Variants in TRDN observed in about 807,000 individuals in gnomAD.
The protein encoded by TRDN is triadin.
A neutral mutation model predicts 149.7 loss-of-function variants in TRDN; 161 were observed. That is an observed-to-expected ratio of 1.08 (90% CI 0.95 to 1.23). The LOEUF is 1.23. Among genes scored for constraint, TRDN ranks in the 50% most tolerant of loss-of-function variants. The pLI is 0.00. For missense variants in TRDN, 896 were observed against 823.5 expected (o/e 1.09, Z -1.08); for synonymous variants, 294 against 250.5 (o/e 1.17, Z -1.64).
At chr6:123,553,791 C>T (rs1379283110) in intron 2 of TRDN, among the ~76,000 whole-genome samples, 5 of 152,208 alleles carry the variant, frequency 3.3e-5, no homozygotes, top group African/African-American at 7.2e-5. Flanking sequence ...GAACAGTATG[C>T]GAGAAACTGT....
chr6:123,280,891 A>G (rs371773337), intron 24 of TRDN, among the ~76,000 whole-genome samples: 1 of 152,038 alleles, frequency 6.6e-6, no homozygotes. Flanking sequence ...CATTGAATGC[A>G]GGGAATTGGT....
intron 10 of TRDN, among the ~76,000 whole-genome samples, chr6:123,443,619 C>T (rs1047809590): frequency 1.3e-5 from 2 of 152,054 alleles, no homozygotes; most frequent in Admixed American, 6.5e-5. Flanking sequence ...GGGGAAATCC[C>T]GTCACGACTA....
intron 2 of TRDN, among the ~76,000 whole-genome samples, chr6:123,564,452 GA>G (rs1782176013): frequency 6.6e-6 from 1 of 152,156 alleles, no homozygotes. Context: ...TGTACTTTCT[GA>G]CTGACTTTGG....
chr6:123,596,801 C>A (rs569527638), intron 1 of TRDN, among the ~76,000 whole-genome samples: 1 of 151,954 alleles, frequency 6.6e-6, no homozygotes, highest in Non-Finnish European at 1.5e-5. Context: ...ATTTCGAGCC[C>A]AATGTTGAGA....
intron 24 of TRDN, among the ~76,000 whole-genome samples, chr6:123,304,850 T>C (rs112511234): frequency 4.5e-4 from 69 of 152,310 alleles, no homozygotes; most frequent in African/African-American, 1.4e-3. Context: ...TTTTTATGAC[T>C]GTTATTTAAA....
chr6:123,461,509 T>C (rs1395603457), intron 10 of TRDN, among the ~76,000 whole-genome samples: 4 of 152,220 alleles, frequency 2.6e-5, no homozygotes, highest in Non-Finnish European at 5.9e-5. Context: ...AGAGGAGTCC[T>C]GGTAATTTTA....
At chr6:123,245,470 C>A (rs9388199) in intron 38 of TRDN, among the ~76,000 whole-genome samples, 120,001 of 152,016 alleles carry the variant, frequency 0.79, 47,851 homozygotes, top group Admixed American at 0.84. Flanking sequence ...ATAGACTTTA[C>A]ACCAACAAAG....
At chr6:123,434,534 A>G (rs567355576) in intron 12 of TRDN, among the ~76,000 whole-genome samples, 1 of 152,210 alleles carries the variant, frequency 6.6e-6, no homozygotes, top group African/African-American at 2.4e-5. Flanking sequence ...CCAAATTTTG[A>G]TTATTTGATT....
chr6:123,332,781 C>T (rs1779710017), intron 22 of TRDN, among the ~76,000 whole-genome samples: 1 of 151,958 alleles, frequency 6.6e-6, no homozygotes, highest in African/African-American at 2.4e-5. Context: ...GGTGAAAATA[C>T]AGAGACTGTG....
chr6:123,352,285 T>C (rs527811335), intron 21 of TRDN: 1 of 984,962 alleles, frequency 1.0e-6, no homozygotes, highest in Non-Finnish European at 1.2e-6. Context: ...CTTCAGCATG[T>C]CCCCTGATGT....
At chr6:123,387,877 G>A (rs1781967015) in intron 14 of TRDN, among the ~76,000 whole-genome samples, 1 of 152,086 alleles carries the variant, frequency 6.6e-6, no homozygotes, top group Non-Finnish European at 1.5e-5. Flanking sequence ...AGAAAAAAAT[G>A]GGGTTGAAGC....
intron 12 of TRDN, among the ~76,000 whole-genome samples, chr6:123,428,195 T>C (rs1054132864): frequency 3.9e-5 from 6 of 152,194 alleles, no homozygotes; most frequent in African/African-American, 1.2e-4. Flanking sequence ...GTAATTTCTC[T>C]GCTGGAAGGA....
intron 4 of TRDN, among the ~76,000 whole-genome samples, chr6:123,543,476 A>T (rs572036792): frequency 6.6e-6 from 1 of 152,294 alleles, no homozygotes; most frequent in East Asian, 1.9e-4. Context: ...AGCTAAGGAT[A>T]TACATTGTAC....
intron 20 of TRDN, among the ~76,000 whole-genome samples, chr6:123,354,756 G>C (rs1780595119): frequency 6.6e-6 from 1 of 151,660 alleles, no homozygotes; most frequent in Non-Finnish European, 1.5e-5. Flanking sequence ...ACAGTGTGAG[G>C]AAGAAGTGAT....
At chr6:123,541,349 A>G (rs187371229) in intron 4 of TRDN, among the ~76,000 whole-genome samples, 84 of 152,278 alleles carry the variant, frequency 5.5e-4, no homozygotes, top group African/African-American at 1.8e-3. Flanking sequence ...GCGTGCCTTG[A>G]CAAAGATGAG....
intron 5 of TRDN, among the ~76,000 whole-genome samples, chr6:123,518,660 C>G (rs1190036742): frequency 1.3e-5 from 2 of 152,124 alleles, no homozygotes; most frequent in Non-Finnish European, 2.9e-5. Context: ...CATATTAATG[C>G]CTCATTCCTG....
chr6:123,548,946 G>T (rs928424241), intron 2 of TRDN, among the ~76,000 whole-genome samples: 18 of 152,022 alleles, frequency 1.2e-4, no homozygotes, highest in African/African-American at 3.9e-4. Context: ...AGGAATGGAA[G>T]AAATAATTTC....
chr6:123,537,819 C>T (rs538703577), intron 4 of TRDN, among the ~76,000 whole-genome samples: 11 of 152,242 alleles, frequency 7.2e-5, no homozygotes, highest in African/African-American at 1.7e-4. Flanking sequence ...TTTGTAGTGA[C>T]GTATTTCTAA....
chr6:123,420,494 G>A (rs1773852779), intron 12 of TRDN, among the ~76,000 whole-genome samples: 1 of 152,166 alleles, frequency 6.6e-6, no homozygotes, highest in Non-Finnish European at 1.5e-5. Flanking sequence ...TATCTGCAAT[G>A]TGTTTGAAAA....
Sources: gnomAD v4.1 joint callset for allele counts (sites outside exome capture counted in the v4.1 genomes callset) on GRCh38, gnomAD v4.1.1 for gene constraint, MANE v1.5 for transcripts, NCBI Gene and HGNC (gene_info 2026-07-23, HGNC 2026-07-21) for gene names.